The following NBAS variants were observed in gnomAD, a reference collection of about 807,000 sequenced individuals.
NBAS encodes NAG/BC035112 fusion.
NBAS carries 219 observed loss-of-function variants against 302.5 expected under a neutral mutation model. The ratio of observed to expected loss-of-function variants is 0.72; its 90% CI spans 0.65 to 0.81. The LOEUF (loss-of-function observed/expected upper bound fraction) is 0.81, where lower values mean the gene tolerates loss of function less well. Among genes scored for constraint, NBAS ranks in the 30% least tolerant of loss-of-function variants. The pLI is 0.00. For missense variants in NBAS, 2,932 were observed against 2,841.6 expected (o/e 1.03, Z -0.72); for synonymous variants, 1,118 against 1,021.6 (o/e 1.09, Z -1.80).
chr2:15,460,732 G>C (rs1457537077), intron 21 of NBAS, among the ~76,000 whole-genome samples: 1 of 152,184 alleles, frequency 6.6e-6, no homozygotes, highest in Non-Finnish European at 1.5e-5. Context: ...AGGATAATTA[G>C]TCTAGTGGTA....
chr2:15,035,058 T>C, the NBAS span, among the ~76,000 whole-genome samples: 3 of 152,176 alleles, frequency 2.0e-5, no homozygotes, highest in South Asian at 2.1e-4. Flanking sequence ...CAGTATTTCA[T>C]AGTATGTTGC....
chr2:15,047,551 G>A, the NBAS span, among the ~76,000 whole-genome samples: 2 of 81,924 alleles, frequency 2.4e-5, no homozygotes, highest in Non-Finnish European at 5.5e-5. Context: ...GACCCATGCA[G>A]GTAAAGGCTG....
intron 11 of NBAS, among the ~76,000 whole-genome samples, chr2:15,499,678 G>C: frequency 6.6e-6 from 1 of 152,076 alleles, no homozygotes; most frequent in Non-Finnish European, 1.5e-5. Flanking sequence ...CCTAATATAT[G>C]GGTGACGAAA....
At position 15,334,868 on chromosome 2, in the gene NBAS, C is replaced by T. The variant is rs116607741; in HGVS notation, c.4180-4103G>A. Among the ~76,000 whole-genome samples the T allele has an allele frequency of 9.3e-3, 1,417 of 152,332 alleles. 20 individuals are homozygous for T. Among genetic ancestry groups the T allele is most frequent in the South Asian group, 0.07 (339 of 4,822 alleles). Reference sequence around the variant, plus strand: ...CCTTAGGCAAAGAAACATAACACCACCAGAATCCTAGAAGCTCCTCTTGAG... The same window carrying T: ...CCTTAGGCAAAGAAACATAACACCATCAGAATCCTAGAAGCTCCTCTTGAG... On this transcript the variant is annotated intron_variant, in intron 35 of 51. Transcript: ENST00000281513.
rs1674929871 is a variant in NBAS, at chr2:15,379,604, G to A, written c.3588C>T (p.Ala1196=). The A allele has an allele frequency of 2.5e-6, 4 of 1,613,166 alleles. No individual in the cohort carries two copies. Among genetic ancestry groups the A allele is most frequent in the African/African-American group, 1.3e-5 (1 of 74,788 alleles). ...GGAAGAATATAGAGTTATTCTACCTGGCTAGATCCATGCAGCTATCAGTGA... is the reference window on the plus strand; with the variant it reads ...GGAAGAATATAGAGTTATTCTACCTAGCTAGATCCATGCAGCTATCAGTGA... ...TNLTDSCMDL[A]RCCLQLITDR... Residue 1196 remains alanine, a splice_region_variant and synonymous_variant, in exon 30 of 52, where the codon GCC becomes GCT. Transcript: ENST00000281513.
chr2:14,923,159 C>CA, the NBAS span, among the ~76,000 whole-genome samples: 17 of 151,580 alleles, frequency 1.1e-4, no homozygotes, highest in South Asian at 1.2e-3. Context: ...CTCAAAAAAA[C>CA]AAAAAAAAGT....
At chr2:15,522,396 G>A (rs1459436480) in intron 9 of NBAS, among the ~76,000 whole-genome samples, 1 of 152,112 alleles carries the variant, frequency 6.6e-6, no homozygotes, top group African/African-American at 2.4e-5. Flanking sequence ...CAAGATATGG[G>A]AATACATGAG....
the NBAS span, among the ~76,000 whole-genome samples, chr2:15,076,877 A>G: frequency 1.3e-5 from 2 of 152,236 alleles, no homozygotes; most frequent in African/African-American, 4.8e-5. Flanking sequence ...TGGAGCAGCT[A>G]GGATTGTTGC....
intron 12 of NBAS, chr2:15,483,258 TCA>T (rs1304997123): frequency 4.1e-5 from 13 of 313,390 alleles, no homozygotes; most frequent in Admixed American, 2.4e-4. Flanking sequence ...CTCAAAGAAC[TCA>T]CAGTCTGGTG....
chr2:15,447,693 T>A (rs182798192), intron 21 of NBAS, among the ~76,000 whole-genome samples: 4 of 152,266 alleles, frequency 2.6e-5, no homozygotes, highest in African/African-American at 9.6e-5. Context: ...AATTTTTTTA[T>A]TAGTAATTTG....
the NBAS span, among the ~76,000 whole-genome samples, chr2:15,097,268 G>A: frequency 2.0e-5 from 3 of 152,280 alleles, no homozygotes; most frequent in East Asian, 5.8e-4. Context: ...GGGACAAGGT[G>A]TCAAAGAAAG....
At chr2:15,396,356 C>A in intron 27 of NBAS, 57 bp downstream of exon 27, 2 of 1,399,640 alleles carry the variant, frequency 1.4e-6, no homozygotes, top group Non-Finnish European at 2.0e-6. Flanking sequence ...TGTGACATTT[C>A]TTGGACAAAT....
At chr2:14,840,905 T>C in the NBAS span, among the ~76,000 whole-genome samples, 1 of 152,036 alleles carries the variant, frequency 6.6e-6, no homozygotes, top group Non-Finnish European at 1.5e-5. Flanking sequence ...TATTGTAATA[T>C]GCAATCCATT....
chr2:15,314,523 C>G lies in NBAS; in HGVS notation c.4583-5276G>C, dbSNP rs1572639990. ...TCAATCCTGAGGGCAAGCTCCTGCCCGTGCCATGCTGGGCAGGTAAAACTC... is the reference window on the plus strand; with the variant it reads ...TCAATCCTGAGGGCAAGCTCCTGCCGGTGCCATGCTGGGCAGGTAAAACTC... On this transcript the variant is annotated intron_variant, in intron 38 of 51. Coordinates refer to ENST00000281513, the MANE Select transcript of NBAS (RefSeq NM_015909.4). 2.0e-5 allele frequency among the ~76,000 whole-genome samples: 3 copies of G among 152,138 alleles called. No homozygotes were observed. In the South Asian group the frequency reaches 6.2e-4, roughly 32 times the overall value.
chr2:15,137,290 T>C, the NBAS span, among the ~76,000 whole-genome samples: 25 of 152,204 alleles, frequency 1.6e-4, no homozygotes, highest in African/African-American at 6.0e-4. Flanking sequence ...ACATATTTAG[T>C]ATATTATTAA....
intron 26 of NBAS, 77 bp downstream of exon 26, chr2:15,402,091 A>C (rs530697859): frequency 3.0e-5 from 46 of 1,540,536 alleles, no homozygotes; most frequent in Non-Finnish European, 6.3e-6. Flanking sequence ...TAAGGTAAGC[A>C]TTTGGGGAAG....
chr2:15,060,186 G>A, the NBAS span, among the ~76,000 whole-genome samples: 1 of 152,100 alleles, frequency 6.6e-6, no homozygotes, highest in Non-Finnish European at 1.5e-5. Flanking sequence ...AAATCTGTAA[G>A]CTCACTTTGG....
chr2:15,098,319 C>A, the NBAS span, among the ~76,000 whole-genome samples: 46 of 124 alleles, frequency 0.37, 20 homozygotes, highest in African/African-American at 0.55. Flanking sequence ...TATTGTATAT[C>A]ATATATGATA....
chr2:15,085,834 C>T, the NBAS span, among the ~76,000 whole-genome samples: 6 of 152,222 alleles, frequency 3.9e-5, no homozygotes, highest in Admixed American at 3.9e-4. Flanking sequence ...ATGCCAGCCC[C>T]CTGCCACCTC....
Sources: allele counts gnomAD v4.1 joint callset (sites outside exome capture counted in the v4.1 genomes callset), GRCh38; gene constraint gnomAD v4.1.1; transcripts MANE v1.5; gene names NCBI Gene and HGNC (gene_info 2026-07-23, HGNC 2026-07-21).